POLR3A: variants seen among roughly 807,000 people sequenced by gnomAD.
POLR3A encodes DNA-directed RNA polymerase III subunit RPC1.
In POLR3A, 112 loss-of-function variants were observed where a neutral mutation model predicts 152.8. That is an observed-to-expected ratio of 0.73 (90% confidence interval 0.63 to 0.86). POLR3A has a LOEUF of 0.86. Ranked by LOEUF, POLR3A falls within the 40% of genes least tolerant of loss-of-function variation. The pLI, the probability that POLR3A is intolerant of heterozygous loss-of-function variation, is 0.00. For synonymous variants in POLR3A, 615 were observed against 652.1 expected, an observed-to-expected ratio of 0.94 and a Z score of 0.87; for missense variants, 1,385 against 1,743.1, an observed-to-expected ratio of 0.79 and a Z score of 3.66.
rs756587046 is a variant in POLR3A, at chr10:78,007,865, A to G, written c.1911T>C (p.Tyr637=). The G allele has an allele frequency of 6.2e-7, 1 of 1,611,276 alleles. No homozygotes were observed. The highest frequency in any genetic ancestry group is 8.5e-7 in the Non-Finnish European group (1 of 1,177,430). The change falls in exon 15 of 31, where the codon TAT becomes TAC. Residue 637 remains tyrosine, a splice_region_variant and synonymous_variant. Transcript: ENST00000372371. ...TCAACTCACTGTTCTGGATTGTAAC[A>G]TCTGGAAGAATGATTATATATTTAG... ...KGEDLCANDS[Y]VTIQNSELMS... is the part of the protein sequence containing the mutation.
intron 8 of POLR3A, 104 bp downstream of exon 8, chr10:78,021,442 G>T: frequency 1.8e-6 from 2 of 1,121,170 alleles, no homozygotes; most frequent in Non-Finnish European, 2.7e-6. Flanking sequence ...TGTGGGTTGA[G>T]TGGGTTACTG....
In POLR3A at chr10:78,009,978, G is replaced by T. The variant is rs757156821; in HGVS notation, c.1656C>A (p.Leu552=). Residue 552 remains leucine, a synonymous_variant, in exon 13 of 31, where the codon CTC becomes CTA. Transcript: ENST00000372371. The part of the protein sequence containing the change: ...IQDFLTGAYL[L]TLKDTFFDRA... ...GATCAAAGAAAGTGTCCTTGAGAGT[G>T]AGGAGATAGGCACCTAAGCATTAGG... 6.2e-7 allele frequency: 1 copy of T among 1,614,076 alleles called. No individual in the cohort carries two copies. Among genetic ancestry groups the T allele is most frequent in the South Asian group, 1.1e-5 (1 of 91,074 alleles).
rs559551609 is a variant in POLR3A, at chr10:78,023,422, C to T, written c.646-1038G>A. Among the ~76,000 whole-genome samples the T allele has an allele frequency of 2.2e-3, 338 of 151,644 alleles. 2 individuals are homozygous for T. The highest frequency in any genetic ancestry group is 3.3e-3 in the Non-Finnish European group (224 of 67,906). On this transcript the variant is annotated intron_variant, in intron 5 of 30. Coordinates refer to ENST00000372371, the MANE Select transcript of POLR3A (RefSeq NM_007055.4). ...TTGCAGTGAGCCTAGATCGTGCAAC[C>T]GCACTCCAGCCTGGGTGACTGAGCA...
intron 29 of POLR3A, among the ~76,000 whole-genome samples, chr10:77,980,788 G>T (rs190538078): frequency 1.6e-4 from 24 of 152,264 alleles, no homozygotes; most frequent in Admixed American, 1.5e-3. Flanking sequence ...GATGCATAAA[G>T]AATAGGACTT....
rs72642275 is a variant in POLR3A, at chr10:78,017,252, C to T, written c.1431+323G>A. Among the ~76,000 whole-genome samples the T allele has an allele frequency of 0.046, 7,020 of 151,762 alleles. 336 individuals are homozygous for T. Among genetic ancestry groups the T allele is most frequent in the East Asian group, 0.23 (1,203 of 5,138 alleles). On this transcript the variant is annotated intron_variant, in intron 10 of 30. Transcript: ENST00000372371. The stretch of plus-strand genomic sequence containing the variant: ...CTAGCTTGGGCAATATAGTGAGACC[C>T]CCGTCTCAACCAAAAACCAAAAACA...
At chr10:77,985,131 C>G (rs750340211) in intron 24 of POLR3A, 39 bp downstream of exon 24, 1 of 1,530,388 alleles carries the variant, frequency 6.5e-7, no homozygotes, top group Non-Finnish European at 9.1e-7. Context: ...GGAAACAGGA[C>G]AGGCATGTGT....
chr10:78,014,703 C>G (rs1847502665), intron 10 of POLR3A, among the ~76,000 whole-genome samples: 1 of 151,910 alleles, frequency 6.6e-6, no homozygotes, highest in South Asian at 2.1e-4. Flanking sequence ...GCACCTGGCC[C>G]TTTCTTTAAA....
rs775275637 is a variant in POLR3A, at chr10:78,002,207, G to A, written c.2349C>T (p.Cys783=). 1.8e-5 allele frequency: 29 copies of A among 1,583,214 alleles called. No homozygotes were observed. Among genetic ancestry groups the A allele is most frequent in the South Asian group, 7.0e-5 (6 of 86,284 alleles). The change falls in exon 17 of 31, where the codon TGC becomes TGT. Residue 783 remains cysteine, a synonymous_variant. Coordinates refer to ENST00000372371, the MANE Select transcript of POLR3A (RefSeq NM_007055.4). ...GAGGGGCATGCAGACCTTTGGAGCC[G>A]CACAGAGCCATGGTGAGGGGGCTGT... ...KSNSPLTMAL[C]GSKGSFINIS...
chr10:78,026,139 G>C lies in POLR3A; in HGVS notation c.135C>G (p.Asp45Glu). 1.2e-6 allele frequency: 2 copies of C among 1,614,240 alleles called. No individual in the cohort carries two copies. The highest frequency in any genetic ancestry group is 1.7e-6 in the Non-Finnish European group (2 of 1,180,044). Reference sequence around the variant, plus strand: ...CATATAGCAAGGGGGCATGTTGGTTGTCCTGGCTGTACAGGTTCTTACTCA... The same window carrying C: ...CATATAGCAAGGGGGCATGTTGGTTCTCCTGGCTGTACAGGTTCTTACTCA... Reference protein sequence around the residue: ...QVVSKNLYSQDNQHAPLLYGV... With the variant: ...QVVSKNLYSQENQHAPLLYGV... The change falls in exon 2 of 31, where the codon GAC becomes GAG. Residue 45 changes from aspartate to glutamate, a missense_variant. Transcript: ENST00000372371.
chr10:78,024,462 C>A, intron 5 of POLR3A, 87 bp downstream of exon 5: 6 of 1,378,364 alleles, frequency 4.4e-6, no homozygotes, highest in Admixed American at 3.8e-5. Context: ...AGGGGTGGGG[C>A]GGAGTTGGGG....
chr10:78,004,448 G>T (rs1422913529), intron 16 of POLR3A, among the ~76,000 whole-genome samples: 2 of 152,110 alleles, frequency 1.3e-5, no homozygotes, highest in Non-Finnish European at 2.9e-5. Flanking sequence ...TTCACCACCT[G>T]GATGTGAAAG....
rs572346913 is a variant in POLR3A, at chr10:78,014,144, G to A, written c.1432-354C>T. 1.3e-4 allele frequency among the ~76,000 whole-genome samples: 19 copies of A among 150,584 alleles called. No homozygotes were observed. The South Asian group carries it at 2.5e-3, about 20-fold the overall frequency. ...TGCACCCCAGCCTGGGTGATAGAGCGAGACTCCATCTCAAAAAAAGAAAAA... is the reference window on the plus strand; with the variant it reads ...TGCACCCCAGCCTGGGTGATAGAGCAAGACTCCATCTCAAAAAAAGAAAAA... On this transcript the variant is annotated intron_variant, in intron 10 of 30. Transcript: ENST00000372371.
chr10:77,978,660 G>GGTTTTTTTTTTTTTTTTTTTTTT (rs1554837283), intron 30 of POLR3A, among the ~76,000 whole-genome samples: 1 of 135,744 alleles, frequency 7.4e-6, no homozygotes, highest in African/African-American at 2.8e-5. Context: ...CTTCATGCTA[G>GGTTTTTTTTTTTTTTTTTTTTTT]TTTTTTTTTT....
At chr10:78,009,152 C>CA (rs59670962) in intron 14 of POLR3A, among the ~76,000 whole-genome samples, 1,572 of 32,540 alleles carry the variant, frequency 0.048, 90 homozygotes, top group East Asian at 0.1. Flanking sequence ...GACTTAGTCT[C>CA]AAAAAAAAAA....
chr10:78,009,905 C>T lies in POLR3A; in HGVS notation c.1729G>A (p.Glu577Lys), dbSNP rs151084236. ...GGTGGGAGGCGAACTTTAATTTTCT[C>T]ATCCTTGCCAACCAGTATTGAAGCA... is the stretch of plus-strand genomic sequence containing the variant. ...IIASILVGKD[E>K]KIKVRLPPPT... Residue 577 changes from glutamate (E) to lysine (K), a missense_variant, in exon 13 of 31, where the codon GAG becomes AAG. Glu to Lys is a moderately conservative substitution (Grantham distance 56). This residue lies in a region of POLR3A where 188 missense variants were observed against 179.9 expected (regional missense o/e 1.04). Transcript: ENST00000372371. 3.4e-4 allele frequency: 550 copies of T among 1,614,014 alleles called. 1 individual carries two copies. The highest frequency in any genetic ancestry group is 3.4e-4 in the Non-Finnish European group (400 of 1,180,042).
intron 1 of POLR3A, 76 bp downstream of exon 1, chr10:78,029,288 T>C: frequency 6.7e-7 from 1 of 1,487,668 alleles, no homozygotes; most frequent in Non-Finnish European, 9.4e-7. Flanking sequence ...TCTCTGACCC[T>C]GCAAGACCCG....
chr10:78,017,509 G>A (rs970370157), intron 10 of POLR3A, 66 bp downstream of exon 10: 23 of 1,504,806 alleles, frequency 1.5e-5, no homozygotes, highest in African/African-American at 8.3e-5. Context: ...GAAGTCCACT[G>A]TTTAGCACTG....
intron 4 of POLR3A, 122 bp downstream of exon 4, chr10:78,024,849 G>T (rs1337006002): frequency 1.5e-6 from 2 of 1,375,456 alleles, no homozygotes; most frequent in African/African-American, 2.9e-5. Flanking sequence ...CAGTTGTTGG[G>T]CTCTTAAGCC....
Position 77,978,268 on chromosome 10 carries a change from C to T in POLR3A, c.4025-642G>A, listed in dbSNP as rs968963649. ...CAACCTGGCATAAGGCTTGAGTCTA[C>T]GATGAGCAAGCAAATGGCTACTGTG... On this transcript the variant is annotated intron_variant, in intron 30 of 30. Coordinates refer to ENST00000372371, the MANE Select transcript of POLR3A (RefSeq NM_007055.4). Among the ~76,000 whole-genome samples, 4 of 152,170 alleles carry T rather than the reference C, an allele frequency of 2.6e-5. No homozygotes were observed. In the East Asian group the frequency reaches 5.8e-4, roughly 22 times the overall value.
Sources: gnomAD v4.1 joint callset for allele counts (sites outside exome capture counted in the v4.1 genomes callset) on GRCh38, gnomAD v4.1.1 for gene constraint, gnomAD v4.1.1 regional missense constraint, MANE v1.5 for transcripts, NCBI Gene and HGNC (gene_info 2026-07-23, HGNC 2026-07-21) for gene names.